The following BABAM2 variants were observed in gnomAD, a reference collection of about 807,000 sequenced individuals.
BABAM2 encodes BRISC and BRCA1 A complex member 2, also known as BRISC and BRCA1-A complex member 2.
A neutral mutation model predicts 54.7 loss-of-function variants in BABAM2; 31 were observed. The ratio of observed to expected loss-of-function variants is 0.57; its 90% CI spans 0.43 to 0.77. The LOEUF is 0.77. Ranked by LOEUF, BABAM2 falls within the 30% of genes least tolerant of loss-of-function variation. The pLI, the probability that BABAM2 is intolerant of heterozygous loss-of-function variation, is 0.00. For synonymous variants in BABAM2, 167 were observed against 162.9 expected (o/e 1.03, Z -0.19); for missense variants, 364 against 455.8 (o/e 0.80, Z 1.83).
intron 7 of BABAM2, among the ~76,000 whole-genome samples, chr2:28,162,361 T>C (rs191334925): frequency 1.8e-4 from 28 of 152,186 alleles, no homozygotes; most frequent in African/African-American, 2.7e-4. Context: ...CAGACAGACC[T>C]GGATGTGAAT....
At chr2:28,228,075 T>C (rs940250135) in intron 7 of BABAM2, among the ~76,000 whole-genome samples, 1 of 152,258 alleles carries the variant, frequency 6.6e-6, no homozygotes, top group Non-Finnish European at 1.5e-5. Context: ...ACTTGCTACC[T>C]GTTTTGTAAA....
intron 6 of BABAM2, among the ~76,000 whole-genome samples, chr2:28,118,517 T>C (rs975886006): frequency 6.6e-6 from 1 of 152,214 alleles, no homozygotes; most frequent in Non-Finnish European, 1.5e-5. Flanking sequence ...ACAAATGCCT[T>C]CTTTTGAGAA....
intron 10 of BABAM2, among the ~76,000 whole-genome samples, chr2:28,282,807 C>G (rs571552172): frequency 7.9e-5 from 12 of 151,632 alleles, no homozygotes; most frequent in Admixed American, 3.3e-4. Flanking sequence ...AGACCAGCCT[C>G]GCCAACATGG....
chr2:28,338,823 C>T lies in BABAM2; in HGVS notation c.*310C>T, dbSNP rs535831997. The stretch of plus-strand genomic sequence containing the variant: ...GAAAGTAAAGCCTCAGGAATGCCCA[C>T]GCCTTTCTTCCAAAGCCTTTGTCTC... On this transcript the variant is annotated 3_prime_UTR_variant, in exon 12 of 12. Transcript: ENST00000379624. 1.5e-5 allele frequency: 5 copies of T among 329,790 alleles called. No individual in the cohort carries two copies. Among genetic ancestry groups the T allele is most frequent in the Non-Finnish European group, 2.3e-5 (4 of 174,178 alleles). 20.4% of individuals were successfully genotyped at this position (329,790 alleles called of 1,614,324 possible).
intron 6 of BABAM2, among the ~76,000 whole-genome samples, chr2:28,076,116 T>A (rs905002563): frequency 2.6e-5 from 4 of 151,816 alleles, no homozygotes; most frequent in African/African-American, 9.7e-5. Flanking sequence ...AAAATAAAAA[T>A]ATATAAAAAT....
At chr2:28,288,758 C>T (rs936000401) in intron 10 of BABAM2, among the ~76,000 whole-genome samples, 2 of 152,212 alleles carry the variant, frequency 1.3e-5, no homozygotes, top group Admixed American at 6.5e-5. Flanking sequence ...CTAGAACCAA[C>T]TCAAAGTCCA....
chr2:28,013,852 A>G (rs1674600103), intron 4 of BABAM2, among the ~76,000 whole-genome samples: 1 of 151,924 alleles, frequency 6.6e-6, no homozygotes, highest in African/African-American at 2.4e-5. Context: ...CATGGCTTCC[A>G]TGGCTGCTCC....
intron 7 of BABAM2, among the ~76,000 whole-genome samples, chr2:28,191,886 A>G (rs139208182): frequency 0.013 from 2,003 of 152,328 alleles, 28 homozygotes; most frequent in South Asian, 0.05. Flanking sequence ...GTACAATTGT[A>G]CATCAATTAT....
intron 3 of BABAM2, among the ~76,000 whole-genome samples, chr2:27,937,224 C>T (rs1022146706): frequency 6.6e-6 from 1 of 152,140 alleles, no homozygotes; most frequent in Non-Finnish European, 1.5e-5. Context: ...ACGTAGATAG[C>T]TGTGATATGG....
At chr2:28,154,711 C>G (rs959461570) in intron 7 of BABAM2, among the ~76,000 whole-genome samples, 3 of 151,942 alleles carry the variant, frequency 2.0e-5, no homozygotes, top group Non-Finnish European at 4.4e-5. Context: ...CTAGAAGAGT[C>G]GTTAAAAATC....
At chr2:28,274,595 T>C (rs1357707774) in intron 10 of BABAM2, among the ~76,000 whole-genome samples, 1 of 152,124 alleles carries the variant, frequency 6.6e-6, no homozygotes, top group East Asian at 1.9e-4. Flanking sequence ...CATGCCCAGC[T>C]AATTTTTTGT....
At chr2:27,939,995 A>G (rs1453050278) in intron 3 of BABAM2, among the ~76,000 whole-genome samples, 2 of 152,240 alleles carry the variant, frequency 1.3e-5, no homozygotes, top group Non-Finnish European at 2.9e-5. Context: ...GTTGGCCAGT[A>G]AAAGAGTTGC....
chr2:27,908,752 C>A (rs559263991), intron 2 of BABAM2, among the ~76,000 whole-genome samples: 1 of 152,282 alleles, frequency 6.6e-6, no homozygotes, highest in South Asian at 2.1e-4. Context: ...TAATGGCCTG[C>A]AGCTGCATCT....
chr2:28,280,411 C>T lies in BABAM2; in HGVS notation c.935-17927C>T, dbSNP rs146231715. ...ATCCCACAGGTCATTCTTTAACATG[C>T]TAAAAGTTGCTCTAACTCTCAGTGG... is the stretch of plus-strand genomic sequence containing the variant. On this transcript the variant is annotated intron_variant, in intron 10 of 11. Coordinates refer to ENST00000379624, the MANE Select transcript of BABAM2 (RefSeq NM_199191.3). Among the ~76,000 whole-genome samples the T allele has an allele frequency of 7.9e-5, 12 of 152,176 alleles. No homozygotes were observed. In the East Asian group the frequency reaches 2.3e-3, roughly 29 times the overall value.
chr2:28,155,166 G>A (rs1217102073), intron 7 of BABAM2, among the ~76,000 whole-genome samples: 1 of 152,070 alleles, frequency 6.6e-6, no homozygotes, highest in East Asian at 1.9e-4. Context: ...AAAAGTACTT[G>A]GAGACTTCTG....
intron 10 of BABAM2, among the ~76,000 whole-genome samples, chr2:28,280,208 G>GCCA (rs902035600): frequency 6.6e-6 from 1 of 151,864 alleles, no homozygotes; most frequent in African/African-American, 2.4e-5. Flanking sequence ...ACAGGCACAG[G>GCCA]CCACCACACT....
intron 10 of BABAM2, among the ~76,000 whole-genome samples, chr2:28,287,581 A>G (rs144821775): frequency 4.2e-4 from 64 of 152,306 alleles, no homozygotes; most frequent in Non-Finnish European, 6.9e-4. Flanking sequence ...ATTGTCAACA[A>G]TCCCCCTGAG....
intron 7 of BABAM2, among the ~76,000 whole-genome samples, chr2:28,179,509 A>G (rs1308152035): frequency 6.6e-6 from 1 of 152,174 alleles, no homozygotes; most frequent in Non-Finnish European, 1.5e-5. Context: ...TATGTGACCC[A>G]TAGCTAATAT....
intron 3 of BABAM2, among the ~76,000 whole-genome samples, chr2:27,947,601 G>GT (rs1217070114): frequency 6.6e-6 from 1 of 152,030 alleles, no homozygotes; most frequent in African/African-American, 2.4e-5. Flanking sequence ...TAGGTTACAA[G>GT]TTTTTTATCA....
Sources: gnomAD v4.1 joint callset for allele counts (sites outside exome capture counted in the v4.1 genomes callset) on GRCh38, gnomAD v4.1.1 for gene constraint, MANE v1.5 for transcripts, NCBI Gene and HGNC (gene_info 2026-07-23, HGNC 2026-07-21) for gene names.